Variants in LARGE1 observed in about 807,000 individuals in gnomAD.
LARGE1 encodes the protein xylosyl- and glucuronyltransferase LARGE1.
A neutral mutation model predicts 87.6 loss-of-function variants in LARGE1; 43 were observed. The observed-to-expected ratio is 0.49, with a 90% CI of 0.38 to 0.63. The LOEUF is 0.63. LARGE1 is among the 30% of genes least tolerant of loss of function. LARGE1 has a pLI of 0.00. For missense variants in LARGE1, 802 were observed against 1,000.2 expected (o/e 0.80, Z 2.67); for synonymous variants, 434 against 394.6 (o/e 1.10, Z -1.18).
At position 33,273,972 on chromosome 22, in the gene LARGE1, G is replaced by A. The variant is rs886057460; in HGVS notation, c.*455C>T. ...ATGCCCAGCTACATTGCAGGGCAAA[G>A]GGGAAAGTTTTCACTTAATAAAGAC... is the stretch of plus-strand genomic sequence containing the variant. On this transcript the variant is annotated 3_prime_UTR_variant, in exon 15 of 15. Transcript: ENST00000397394. The A allele has an allele frequency of 2.2e-4, 78 of 348,014 alleles. No individual in the cohort carries two copies. The highest frequency in any genetic ancestry group is 9.3e-5 in the Non-Finnish European group (18 of 193,310). 21.6% of individuals were successfully genotyped at this position (348,014 alleles called of 1,614,324 possible).
chr22:33,135,380 A>C, the LARGE1 span, among the ~76,000 whole-genome samples: 1 of 152,226 alleles, frequency 6.6e-6, no homozygotes, highest in Admixed American at 6.5e-5. Flanking sequence ...AGTCTCATTT[A>C]TCTCAAAGAT....
intron 2 of LARGE1, among the ~76,000 whole-genome samples, chr22:33,741,790 A>T (rs1015414853): frequency 2.6e-5 from 4 of 152,200 alleles, no homozygotes; most frequent in South Asian, 2.1e-4. Context: ...TCCTGCAATC[A>T]CCTTGCAAGA....
chr22:33,499,068 A>G (rs2070305322), intron 6 of LARGE1, among the ~76,000 whole-genome samples: 1 of 152,194 alleles, frequency 6.6e-6, no homozygotes, highest in South Asian at 2.1e-4. Context: ...GCAATTGTGT[A>G]TATAACTTTT....
intron 11 of LARGE1, among the ~76,000 whole-genome samples, chr22:33,212,330 A>G (rs757159270): frequency 6.6e-6 from 1 of 152,236 alleles, no homozygotes; most frequent in African/African-American, 2.4e-5. Flanking sequence ...GAATTATGCC[A>G]TATCTATTCT....
intron 5 of LARGE1, among the ~76,000 whole-genome samples, chr22:33,576,299 C>T (rs575118716): frequency 5.3e-5 from 8 of 152,318 alleles, no homozygotes; most frequent in South Asian, 2.1e-4. Flanking sequence ...GCACCTGCTT[C>T]GTTCATTCAT....
intron 13 of LARGE1, among the ~76,000 whole-genome samples, chr22:33,282,735 G>T (rs763579883): frequency 6.6e-6 from 1 of 152,190 alleles, no homozygotes; most frequent in South Asian, 2.1e-4. Flanking sequence ...CGTCCCCCAG[G>T]CCTCAGGGGC....
intron 1 of LARGE1, among the ~76,000 whole-genome samples, chr22:33,774,988 G>A (rs2085188675): frequency 6.6e-6 from 1 of 152,176 alleles, no homozygotes; most frequent in South Asian, 2.1e-4. Context: ...AGCAGCAGGA[G>A]TTAGTGGCAG....
chr22:33,809,534 G>A (rs772774409), intron 1 of LARGE1, among the ~76,000 whole-genome samples: 1 of 152,190 alleles, frequency 6.6e-6, no homozygotes, highest in Admixed American at 6.5e-5. Context: ...TGAATTTCCA[G>A]AGAGGTGTGG....
intron 7 of LARGE1, among the ~76,000 whole-genome samples, chr22:33,416,556 G>T (rs903238036): frequency 2.0e-5 from 3 of 151,874 alleles, no homozygotes; most frequent in African/African-American, 4.8e-5. Context: ...TGTTTTTTTT[G>T]GGGGGCGGGG....
intron 9 of LARGE1, among the ~76,000 whole-genome samples, chr22:33,362,330 G>C (rs1378411827): frequency 1.3e-5 from 2 of 149,706 alleles, no homozygotes; most frequent in African/African-American, 4.9e-5. Context: ...TCTCAATAAT[G>C]TAACTGAACC....
chr22:33,502,069 G>C (rs972286555), intron 6 of LARGE1, among the ~76,000 whole-genome samples: 1 of 151,958 alleles, frequency 6.6e-6, no homozygotes, highest in Admixed American at 6.6e-5. Flanking sequence ...GCTGGCAGGC[G>C]CCTGTAGTTC....
chr22:33,392,090 C>A (rs2065548770), intron 7 of LARGE1, among the ~76,000 whole-genome samples: 2 of 151,802 alleles, frequency 1.3e-5, no homozygotes, highest in Admixed American at 1.3e-4. Flanking sequence ...ATTCCTATAA[C>A]CAATATCCTC....
At chr22:33,881,990 A>G (rs1276320193) in intron 1 of LARGE1, among the ~76,000 whole-genome samples, 1 of 151,352 alleles carries the variant, frequency 6.6e-6, no homozygotes, top group Non-Finnish European at 1.5e-5. Context: ...CCTTTGCCAC[A>G]CCCGCAAATG....
chr22:33,322,790 A>G (rs1234444411), intron 10 of LARGE1: 8 of 152,166 alleles, frequency 5.3e-5, no homozygotes, highest in Non-Finnish European at 1.0e-4. Context: ...GGTATTATCT[A>G]GGGAATATTG....
intron 3 of LARGE1, among the ~76,000 whole-genome samples, chr22:33,629,225 C>T (rs868648816): frequency 3.3e-5 from 5 of 152,156 alleles, no homozygotes; most frequent in South Asian, 2.1e-4. Context: ...AATAGGAAAA[C>T]GCCTGCACAT....
At chr22:33,325,179 G>C (rs1183669043) in intron 10 of LARGE1, among the ~76,000 whole-genome samples, 5 of 152,176 alleles carry the variant, frequency 3.3e-5, no homozygotes, top group Non-Finnish European at 5.9e-5. Flanking sequence ...AACAGTAAAC[G>C]ATTCTGTGAC....
intron 11 of LARGE1, among the ~76,000 whole-genome samples, chr22:33,187,746 G>A (rs1189161120): frequency 2.0e-5 from 3 of 151,350 alleles, no homozygotes; most frequent in Non-Finnish European, 2.9e-5. Flanking sequence ...GTGAAATCCT[G>A]TCTCTACGAA....
the LARGE1 span, among the ~76,000 whole-genome samples, chr22:33,093,203 G>A: frequency 6.6e-6 from 1 of 152,192 alleles, no homozygotes; most frequent in African/African-American, 2.4e-5. Context: ...TCTGCAATGA[G>A]TCTGACTTTC....
intron 4 of LARGE1, among the ~76,000 whole-genome samples, chr22:33,624,290 T>C (rs1430576028): frequency 1.3e-5 from 2 of 152,208 alleles, no homozygotes; most frequent in African/African-American, 4.8e-5. Context: ...GCATGGGTTC[T>C]GTCTTCCAGA....
Sources: gnomAD v4.1 joint callset for allele counts (sites outside exome capture counted in the v4.1 genomes callset) on GRCh38, gnomAD v4.1.1 for gene constraint, MANE v1.5 for transcripts, NCBI Gene and HGNC (gene_info 2026-07-23, HGNC 2026-07-21) for gene names.